Variants in FAM117B observed in about 807,000 individuals in gnomAD.
FAM117B encodes protein FAM117B.
In FAM117B, 22 loss-of-function variants were observed where a neutral mutation model predicts 52.8. That is an observed-to-expected ratio of 0.42 (90% CI 0.30 to 0.59). The LOEUF (loss-of-function observed/expected upper bound fraction) is 0.59, where lower values mean the gene tolerates loss of function less well. FAM117B is among the 20% of genes least tolerant of loss of function. The pLI, the probability that FAM117B is intolerant of heterozygous loss-of-function variation, is 0.22. For synonymous variants in FAM117B, 309 were observed against 324.1 expected (o/e 0.95, Z 0.50); for missense variants, 678 against 802.6 (o/e 0.84, Z 1.88).
chr2:202,635,631 C>A lies in FAM117B; in HGVS notation c.444C>A (p.Gly148=). 7.5e-7 allele frequency: 1 copy of A among 1,326,302 alleles called. No homozygotes were observed. Among genetic ancestry groups the A allele is most frequent in the Non-Finnish European group, 9.6e-7 (1 of 1,041,598 alleles). 82.2% of individuals were successfully genotyped at this position (1,326,302 alleles called of 1,614,324 possible). A position where few individuals can be genotyped will look rare whatever the true frequency, so the allele number is the denominator to read the frequency against. ...PRPPPPPPLL[G]TVSSPSSSPT... ...CGCCGCCGCCGCCGCCGCTGCTGGG[C>A]ACCGTGTCGTCGCCCAGCTCGTCGC... Residue 148 remains glycine (G), a synonymous_variant, in exon 1 of 8, where the codon GGC becomes GGA. Coordinates refer to ENST00000392238, the MANE Select transcript of FAM117B (RefSeq NM_173511.4).
chr2:202,708,690 C>T (rs1007941271), intron 2 of FAM117B, among the ~76,000 whole-genome samples: 5 of 152,154 alleles, frequency 3.3e-5, no homozygotes, highest in Non-Finnish European at 5.9e-5. Context: ...ACTGCAGCCT[C>T]GAACTTCTGA....
chr2:202,665,487 C>G (rs553086634), intron 1 of FAM117B, among the ~76,000 whole-genome samples: 5 of 152,354 alleles, frequency 3.3e-5, no homozygotes, highest in Admixed American at 1.3e-4. Flanking sequence ...TAACTCACTA[C>G]TAACTGATTA....
At chr2:202,677,067 T>TC (rs576505838) in intron 1 of FAM117B, among the ~76,000 whole-genome samples, 168 of 151,758 alleles carry the variant, frequency 1.1e-3, no homozygotes, top group African/African-American at 3.9e-3. Flanking sequence ...TCTTTTCTTT[T>TC]TTTTTTTTTT....
intron 2 of FAM117B, among the ~76,000 whole-genome samples, chr2:202,721,342 T>G (rs1397069235): frequency 2.0e-5 from 3 of 152,222 alleles, no homozygotes; most frequent in Non-Finnish European, 4.4e-5. Context: ...ATCATTTACA[T>G]TTGATTAGAA....
chr2:202,705,072 C>T (rs903800385), intron 2 of FAM117B, among the ~76,000 whole-genome samples: 1 of 151,948 alleles, frequency 6.6e-6, no homozygotes, highest in Non-Finnish European at 1.5e-5. Context: ...TTTGGGAGGC[C>T]GAGGCAGGTG....
intron 7 of FAM117B, among the ~76,000 whole-genome samples, 200 bp from the exon 8 acceptor site, chr2:202,765,246 A>G (rs550348587): frequency 1.3e-4 from 20 of 152,138 alleles, no homozygotes; most frequent in Middle Eastern, 3.4e-3. Flanking sequence ...TCTAAGATAC[A>G]TATGTTGAAT....
chr2:202,729,552 C>G (rs1159706794), intron 4 of FAM117B, among the ~76,000 whole-genome samples: 1 of 152,162 alleles, frequency 6.6e-6, no homozygotes, highest in Non-Finnish European at 1.5e-5. Context: ...GAAATATTGT[C>G]TGTCCTTACC....
intron 1 of FAM117B, among the ~76,000 whole-genome samples, chr2:202,653,010 A>T (rs1402949475): frequency 6.6e-6 from 1 of 152,336 alleles, no homozygotes; most frequent in African/African-American, 2.4e-5. Context: ...CATGCCTGTA[A>T]TCCTAGCACT....
chr2:202,671,218 A>G (rs1441586418), intron 1 of FAM117B, among the ~76,000 whole-genome samples: 1 of 152,250 alleles, frequency 6.6e-6, no homozygotes, highest in African/African-American at 2.4e-5. Context: ...AGACCCTGAG[A>G]CAAGGATTTG....
At chr2:202,643,030 G>T (rs910008628) in intron 1 of FAM117B, among the ~76,000 whole-genome samples, 3 of 152,182 alleles carry the variant, frequency 2.0e-5, no homozygotes, top group African/African-American at 7.2e-5. Flanking sequence ...CTTTGAATCT[G>T]GCATGTAGAT....
At chr2:202,680,265 A>G (rs1338354168) in intron 1 of FAM117B, among the ~76,000 whole-genome samples, 1 of 152,142 alleles carries the variant, frequency 6.6e-6, no homozygotes, top group Non-Finnish European at 1.5e-5. Flanking sequence ...GCCACAAAAA[A>G]AGTCTGACAA....
intron 4 of FAM117B, among the ~76,000 whole-genome samples, chr2:202,748,073 G>C (rs1317349232): frequency 6.6e-6 from 1 of 151,980 alleles, no homozygotes; most frequent in African/African-American, 2.4e-5. Context: ...ATTACACAAA[G>C]CTATAGTCAT....
chr2:202,643,665 C>A (rs1203407012), intron 1 of FAM117B, among the ~76,000 whole-genome samples: 1 of 152,174 alleles, frequency 6.6e-6, no homozygotes, highest in South Asian at 2.1e-4. Context: ...CAACCACTTT[C>A]AACTCTTAGA....
At chr2:202,663,886 A>G (rs987794594) in intron 1 of FAM117B, among the ~76,000 whole-genome samples, 1 of 152,108 alleles carries the variant, frequency 6.6e-6, no homozygotes, top group Non-Finnish European at 1.5e-5. Context: ...GCCCAGCCCC[A>G]TTAAGCTTTT....
chr2:202,702,001 G>C (rs6755380), intron 2 of FAM117B, among the ~76,000 whole-genome samples: 32,618 of 152,138 alleles, frequency 0.21, 3,783 homozygotes, highest in South Asian at 0.38. Context: ...TTGTACTATG[G>C]GCAATATGCT....
chr2:202,722,071 C>T (rs113687990), intron 2 of FAM117B, among the ~76,000 whole-genome samples: 6 of 137,648 alleles, frequency 4.4e-5, no homozygotes, highest in African/African-American at 8.3e-5. Flanking sequence ...AGTGCAGTGG[C>T]GAGATCTCAG....
chr2:202,700,301 G>A (rs1474866053), intron 2 of FAM117B, among the ~76,000 whole-genome samples: 1 of 152,152 alleles, frequency 6.6e-6, no homozygotes, highest in Non-Finnish European at 1.5e-5. Context: ...TGAATGCAAA[G>A]GAAAAGTTTT....
intron 2 of FAM117B, among the ~76,000 whole-genome samples, chr2:202,715,379 G>C (rs912517277): frequency 6.6e-6 from 1 of 151,462 alleles, no homozygotes; most frequent in Non-Finnish European, 1.5e-5. Flanking sequence ...GTGGCTGCCA[G>C]GCGGAGGGGC....
At chr2:202,654,395 C>A (rs1690022736) in intron 1 of FAM117B, among the ~76,000 whole-genome samples, 1 of 152,004 alleles carries the variant, frequency 6.6e-6, no homozygotes. Flanking sequence ...ATCTTGAGCA[C>A]TATTTTCTTG....
Sources: gnomAD v4.1 joint callset for allele counts (sites outside exome capture counted in the v4.1 genomes callset) on GRCh38, gnomAD v4.1.1 for gene constraint, MANE v1.5 for transcripts, NCBI Gene and HGNC (gene_info 2026-07-23, HGNC 2026-07-21) for gene names.